Variants in ERBB4 observed in about 807,000 individuals in gnomAD.
The protein encoded by ERBB4 is erb-b2 receptor tyrosine kinase 4.
In ERBB4, 42 loss-of-function variants were observed where a neutral mutation model predicts 158.0. That is an observed-to-expected ratio of 0.27 (90% CI 0.21 to 0.34). ERBB4 has a LOEUF of 0.34. Among genes scored for constraint, ERBB4 ranks in the 10% least tolerant of loss-of-function variants. ERBB4 has a pLI of 1.00. For missense variants in ERBB4, 1,333 were observed against 1,624.1 expected (o/e 0.82, Z 3.08); for synonymous variants, 583 against 558.7 (o/e 1.04, Z -0.61).
intron 3 of ERBB4, 78 bp downstream of exon 3, chr2:211,947,352 T>C (rs1375735746): frequency 1.7e-6 from 2 of 1,187,386 alleles, no homozygotes; most frequent in Non-Finnish European, 2.5e-6. Flanking sequence ...ATGTAACAAA[T>C]ATGACAGTAA....
Position 211,587,489 on chromosome 2 carries a change from C to T in ERBB4, c.2302-25401G>A, listed in dbSNP as rs529947890. ...GGCACATGAAGCCGGAGGATTGCAG[C>T]GATGCGGCCTACAAGCCAAGGAGCT... is the stretch of plus-strand genomic sequence containing the variant. On this transcript the variant is annotated intron_variant, in intron 19 of 27. Coordinates refer to ENST00000342788, the MANE Select transcript of ERBB4 (RefSeq NM_005235.3). 1.5e-4 allele frequency among the ~76,000 whole-genome samples: 23 copies of T among 152,220 alleles called. No individual in the cohort carries two copies. The South Asian group carries it at 4.1e-3, about 27-fold the overall frequency.
intron 19 of ERBB4, among the ~76,000 whole-genome samples, chr2:211,575,128 G>C (rs886109240): frequency 1.6e-4 from 25 of 152,174 alleles, no homozygotes; most frequent in African/African-American, 6.0e-4. Context: ...CCATAGCCTA[G>C]TCTCTTTCTG....
chr2:211,569,122 T>G (rs185240162), intron 19 of ERBB4, among the ~76,000 whole-genome samples: 7 of 152,308 alleles, frequency 4.6e-5, no homozygotes, highest in African/African-American at 1.4e-4. Context: ...AGGACTCTTC[T>G]AAACTTTGAA....
chr2:211,800,750 T>C (rs2076482710), intron 3 of ERBB4, among the ~76,000 whole-genome samples: 1 of 151,228 alleles, frequency 6.6e-6, no homozygotes. Flanking sequence ...CTTTTGCCTC[T>C]GTCAAAAGTA....
intron 2 of ERBB4, among the ~76,000 whole-genome samples, chr2:212,115,773 T>A (rs1575655369): frequency 6.6e-6 from 1 of 152,210 alleles, no homozygotes; most frequent in East Asian, 1.9e-4. Flanking sequence ...CCTTCCAAAG[T>A]GTTGTGATTG....
At chr2:211,867,535 C>T (rs1438447019) in intron 3 of ERBB4, among the ~76,000 whole-genome samples, 6 of 152,144 alleles carry the variant, frequency 3.9e-5, no homozygotes, top group Admixed American at 1.3e-4. Context: ...ACACTTTACA[C>T]ATAATTGTAA....
intron 1 of ERBB4, among the ~76,000 whole-genome samples, chr2:212,245,624 G>GT (rs2084279757): frequency 6.8e-6 from 1 of 146,434 alleles, no homozygotes; most frequent in Non-Finnish European, 1.5e-5. Context: ...AATCACAAAT[G>GT]ATTTTCCCAT....
intron 5 of ERBB4, among the ~76,000 whole-genome samples, chr2:211,731,089 G>T (rs1338261363): frequency 6.6e-6 from 1 of 152,012 alleles, no homozygotes; most frequent in African/African-American, 2.4e-5. Flanking sequence ...CTATATTTTC[G>T]ATGGAAATAT....
chr2:211,378,416 T>C lies in ERBB4; in HGVS notation c.*5199A>G. ...CATTTTTGGACCTCTACAAAATCAGTGAGACTTGAACCGAGTATCTGAAAT... is the reference window on the plus strand; with the variant it reads ...CATTTTTGGACCTCTACAAAATCAGCGAGACTTGAACCGAGTATCTGAAAT... On this transcript the variant is annotated 3_prime_UTR_variant, in exon 28 of 28. Transcript: ENST00000342788. 4.3e-6 allele frequency: 1 copy of C among 232,716 alleles called. No homozygotes were observed. Among genetic ancestry groups the C allele is most frequent in the Non-Finnish European group, 8.5e-6 (1 of 117,436 alleles). 14.4% of individuals were successfully genotyped at this position (232,716 alleles called of 1,614,324 possible).
At chr2:212,341,011 A>G (rs983675818) in intron 1 of ERBB4, among the ~76,000 whole-genome samples, 1 of 152,156 alleles carries the variant, frequency 6.6e-6, no homozygotes, top group Non-Finnish European at 1.5e-5. Flanking sequence ...GAAATAAATA[A>G]TCACTGCCTC....
At chr2:211,840,045 G>C (rs1188683530) in intron 3 of ERBB4, among the ~76,000 whole-genome samples, 1 of 152,098 alleles carries the variant, frequency 6.6e-6, no homozygotes, top group Non-Finnish European at 1.5e-5. Context: ...AGAAGAGGAT[G>C]ACAGTGAAGC....
rs148820479 is a variant in ERBB4, at chr2:211,564,625, T to G, written c.2302-2537A>C. Among the ~76,000 whole-genome samples the G allele has an allele frequency of 5.6e-3, 853 of 152,242 alleles. 12 individuals are homozygous for G. Among genetic ancestry groups the G allele is most frequent in the Middle Eastern group, 0.031 (9 of 294 alleles). On this transcript the variant is annotated intron_variant, in intron 19 of 27. Transcript: ENST00000342788. ...AACAGACATGTTCAGACATGCCAAA[T>G]CTTGATACATGTACCTTCCATGCTT...
At chr2:211,796,403 A>T (rs1300582842) in intron 3 of ERBB4, among the ~76,000 whole-genome samples, 1 of 151,968 alleles carries the variant, frequency 6.6e-6, no homozygotes, top group Non-Finnish European at 1.5e-5. Context: ...GGCTATTATA[A>T]ATAACTGCTG....
intron 1 of ERBB4, among the ~76,000 whole-genome samples, chr2:212,377,037 C>T (rs2090345922): frequency 6.6e-6 from 1 of 151,702 alleles, no homozygotes; most frequent in Non-Finnish European, 1.5e-5. Context: ...ATATCTTCTC[C>T]CCTGCTTAAC....
At chr2:212,335,560 T>C (rs560509248) in intron 1 of ERBB4, among the ~76,000 whole-genome samples, 1 of 152,116 alleles carries the variant, frequency 6.6e-6, no homozygotes, top group East Asian at 1.9e-4. Flanking sequence ...TTTCGTTTGA[T>C]TCAATTAATA....
chr2:212,240,467 C>T (rs950142719), intron 1 of ERBB4, among the ~76,000 whole-genome samples: 1 of 151,484 alleles, frequency 6.6e-6, no homozygotes, highest in Non-Finnish European at 1.5e-5. Context: ...CCTGTCTCCA[C>T]TAAAAACACA....
At chr2:211,985,239 T>C (rs1453067375) in intron 2 of ERBB4, among the ~76,000 whole-genome samples, 1 of 152,170 alleles carries the variant, frequency 6.6e-6, no homozygotes, top group Non-Finnish European at 1.5e-5. Flanking sequence ...TTGATAGTTT[T>C]CTGAATGTGA....
chr2:212,401,843 A>G (rs1455227996), intron 1 of ERBB4, among the ~76,000 whole-genome samples: 1 of 152,160 alleles, frequency 6.6e-6, no homozygotes, highest in Non-Finnish European at 1.5e-5. Context: ...TTACATACCT[A>G]TCAGAATGGG....
chr2:211,620,987 T>A (rs1034321205), intron 18 of ERBB4, among the ~76,000 whole-genome samples: 1 of 152,062 alleles, frequency 6.6e-6, no homozygotes, highest in Non-Finnish European at 1.5e-5. Context: ...TGCTGGCACA[T>A]GCCTGTGGTC....
Sources: gnomAD v4.1 joint callset for allele counts (sites outside exome capture counted in the v4.1 genomes callset) on GRCh38, gnomAD v4.1.1 for gene constraint, MANE v1.5 for transcripts, NCBI Gene and HGNC (gene_info 2026-07-23, HGNC 2026-07-21) for gene names.